MISP: variants seen among roughly 807,000 people sequenced by gnomAD.
MISP encodes mitotic spindle positioning.
Under a neutral mutation model 49.3 loss-of-function variants are expected in MISP, and 51 were observed. The ratio of observed to expected loss-of-function variants is 1.03; its 90% CI spans 0.83 to 1.31. The LOEUF (loss-of-function observed/expected upper bound fraction) is 1.31, where lower values mean the gene tolerates loss of function less well. Among genes scored for constraint, MISP ranks in the 50% most tolerant of loss-of-function variants. The probability of loss-of-function intolerance (pLI) is 0.00; values close to 1 mark genes in which losing one functional copy is unlikely to be tolerated. For synonymous variants in MISP, 444 were observed against 392.6 expected (o/e 1.13, Z -1.55); for missense variants, 1,084 against 935.1 (o/e 1.16, Z -2.08).
chr19:754,421 C>T (rs1204402713), intron 1 of MISP, among the ~76,000 whole-genome samples: 1 of 151,844 alleles, frequency 6.6e-6, no homozygotes, highest in African/African-American at 2.4e-5. Flanking sequence ...CGAGATCGCG[C>T]CACTGCACTC....
chr19:754,426 G>A (rs2033511483), intron 1 of MISP, among the ~76,000 whole-genome samples: 1 of 152,020 alleles, frequency 6.6e-6, no homozygotes, highest in Admixed American at 6.5e-5. Context: ...TCGCGCCACT[G>A]CACTCCAGCC....
chr19:761,656 A>T lies in MISP; in HGVS notation c.1943A>T (p.Asn648Ile), dbSNP rs749279326. 6.2e-6 allele frequency: 10 copies of T among 1,613,918 alleles called. No homozygotes were observed. In the East Asian group the frequency reaches 2.0e-4, roughly 32 times the overall value. Residue 648 changes from asparagine (N) to isoleucine (I), a missense_variant, in exon 4 of 5, where the codon AAC becomes ATC. Asn to Ile is a moderately radical substitution (Grantham distance 149, BLOSUM62 -3). Transcript: ENST00000215582. ...YAGINPSDGI[N>I]SEVLEAIRVT... The stretch of plus-strand genomic sequence containing the variant: ...GGCATCAACCCCTCGGACGGTATCA[A>T]CTCAGAGGTGAGTATGCTCCTGGGC...
At chr19:750,188 CTTT>C (rs71174321), upstream of MISP, among the ~76,000 whole-genome samples, 2,118 of 111,526 alleles carry the variant, frequency 0.019, 40 homozygotes, top group African/African-American at 0.043. Context: ...TCGTGCGGTT[CTTT>C]TTTTTTTTTT....
At chr19:753,002 G>C (rs1205728102) in intron 1 of MISP, among the ~76,000 whole-genome samples, 1 of 152,214 alleles carries the variant, frequency 6.6e-6, no homozygotes, top group Non-Finnish European at 1.5e-5. Context: ...CTGTATACCA[G>C]ACTCTGGGCT....
rs770341604 is a variant in MISP at position 758,355 on chromosome 19, T to C, written c.1409T>C (p.Leu470Pro). ...AAGGCCACGATGTCCCCGAGGCATC[T>C]CTCAGAATCCTCTGGAAAACCCCTG... ...SPKATMSPRHLSESSGKPLST... is the reference protein window; with the variant it reads ...SPKATMSPRHPSESSGKPLST... The change falls in exon 2 of 5, where the codon CTC (leucine) becomes CCC (proline). Residue 470 changes from leucine to proline, a missense_variant. Transcript: ENST00000215582. The C allele has an allele frequency of 4.3e-6, 7 of 1,614,008 alleles. No homozygotes were observed. The South Asian group carries it at 7.7e-5, about 18-fold the overall frequency.
chr19:758,091 C>G lies in MISP; in HGVS notation c.1145C>G (p.Ser382Trp), dbSNP rs201182924. ...CGGGCGTCCACACCCGACTGGGTCT[C>G]GGAGGGTCCCCAGCCCGGACTCCGG... The part of the protein sequence containing the change: ...VGRASTPDWV[S>W]EGPQPGLRRA... Residue 382 changes from serine (S) to tryptophan (W), a missense_variant, in exon 2 of 5, where the codon TCG becomes TGG. By Grantham distance (177) the Ser-to-Trp change is radical. Coordinates refer to ENST00000215582, the MANE Select transcript of MISP (RefSeq NM_173481.4). 1.9e-6 allele frequency: 3 copies of G among 1,587,470 alleles called. No homozygotes were observed. The highest frequency in any genetic ancestry group is 4.5e-5 in the East Asian group (2 of 44,356).
chr19:756,996 G>T lies in MISP; in HGVS notation c.50G>T (p.Arg17Leu). The T allele has an allele frequency of 6.3e-7, 1 of 1,599,606 alleles. No individual in the cohort carries two copies. Among genetic ancestry groups the T allele is most frequent in the Non-Finnish European group, 8.5e-7 (1 of 1,172,148 alleles). ...ATCCTGGGCATCCCTCAGGCACACC[G>T]TGGCACCGGCCTGGTGCTGGATGGA... The part of the protein sequence containing the change: ...YPILGIPQAH[R>L]GTGLVLDGDT... Residue 17 changes from arginine (R) to leucine (L), a missense_variant, in exon 2 of 5, where the codon CGT (arginine) becomes CTT (leucine). Transcript: ENST00000215582.
At chr19:752,861 G>A (rs1016496889) in intron 1 of MISP, among the ~76,000 whole-genome samples, 7 of 152,212 alleles carry the variant, frequency 4.6e-5, no homozygotes, top group Non-Finnish European at 5.9e-5. Context: ...GGTGCAGGGC[G>A]TGGACCTGCC....
chr19:756,954 G>A lies in MISP; in HGVS notation c.8G>A (p.Arg3His), dbSNP rs200094406. Reference sequence around the variant, plus strand: ...GCCAAGACCCCGGAAGAGATGGACCGCGTGACCAGATACCCCATCCTGGGC... The same window carrying A: ...GCCAAGACCCCGGAAGAGATGGACCACGTGACCAGATACCCCATCCTGGGC... The part of the protein sequence containing the change: MD[R>H]VTRYPILGIP... The change falls in exon 2 of 5, where the codon CGC becomes CAC. Residue 3 changes from arginine to histidine, a missense_variant. Arg to His is a conservative substitution (Grantham distance 29). Coordinates refer to ENST00000215582, the MANE Select transcript of MISP (RefSeq NM_173481.4). The A allele has an allele frequency of 1.0e-4, 159 of 1,559,446 alleles. No individual in the cohort carries two copies. The highest frequency in any genetic ancestry group is 5.6e-4 in the East Asian group (24 of 42,634).
chr19:760,761 A>AGGGAGG (rs1256060420), intron 3 of MISP, among the ~76,000 whole-genome samples: 2 of 150,402 alleles, frequency 1.3e-5, no homozygotes, highest in African/African-American at 2.5e-5. Context: ...GAAGGAAGGG[A>AGGGAGG]GGGAGGGAGA....
chr19:763,611 C>T lies in MISP; in HGVS notation c.*21C>T. 4.5e-6 allele frequency: 7 copies of T among 1,569,876 alleles called. No homozygotes were observed. The highest frequency in any genetic ancestry group is 6.1e-6 in the Non-Finnish European group (7 of 1,142,322). ...ACTGAGCCTCGGGATGGGGCGCCCA[C>T]CCCCTGCCCTGCCCTGACCCTCGTG... is the stretch of plus-strand genomic sequence containing the variant. On this transcript the variant is annotated 3_prime_UTR_variant, in exon 5 of 5. Transcript: ENST00000215582.
chr19:757,237 G>C lies in MISP; in HGVS notation c.291G>C (p.Leu97=). 6.2e-7 allele frequency: 1 copy of C among 1,613,860 alleles called. No individual in the cohort carries two copies. The highest frequency in any genetic ancestry group is 1.1e-5 in the South Asian group (1 of 91,090). The part of the protein sequence containing the change: ...REDEGWQVYR[L]GARDAHQGRP... ...ATGAGGGTTGGCAGGTTTACCGCCT[G>C]GGCGCCAGGGATGCCCACCAGGGAC... The change falls in exon 2 of 5, where the codon CTG becomes CTC. Residue 97 remains leucine (L), a synonymous_variant. Transcript: ENST00000215582.
In MISP at chr19:764,265, G is replaced by A. The variant is rs1053380140; in HGVS notation, c.*675G>A. On this transcript the variant is annotated 3_prime_UTR_variant, in exon 5 of 5. Coordinates refer to ENST00000215582, the MANE Select transcript of MISP (RefSeq NM_173481.4). ...TGACCCAGTTTAGGAGCTGGAGGGG[G>A]GTCTTTGTCCCCCACCCCCAAACTG... 2 of 152,292 alleles carry A rather than the reference G, an allele frequency of 1.3e-5. No homozygotes were observed. Among genetic ancestry groups the A allele is most frequent in the Non-Finnish European group, 2.9e-5 (2 of 68,130 alleles). The allele number at this position is 152,292 out of a possible 1,614,324, so 9.4% of individuals were successfully genotyped here.
At chr19:749,679 A>C (rs1181477375), upstream of MISP, among the ~76,000 whole-genome samples, 1 of 152,104 alleles carries the variant, frequency 6.6e-6, no homozygotes, top group Non-Finnish European at 1.5e-5. Context: ...AAAAATACAA[A>C]AATAGCTGGG....
upstream of MISP, among the ~76,000 whole-genome samples, chr19:749,519 T>A (rs2033426808): frequency 6.6e-6 from 1 of 152,092 alleles, no homozygotes; most frequent in South Asian, 2.1e-4. Context: ...GGGCCCTTTA[T>A]CCAGATTTGT....
chr19:754,247 G>A (rs566233246), intron 1 of MISP, among the ~76,000 whole-genome samples: 1 of 152,140 alleles, frequency 6.6e-6, no homozygotes, highest in Non-Finnish European at 1.5e-5. Context: ...GGAGGATCAC[G>A]AGGTCAGGAG....
At chr19:754,236 G>A (rs1303336787) in intron 1 of MISP, among the ~76,000 whole-genome samples, 2 of 152,088 alleles carry the variant, frequency 1.3e-5, no homozygotes, top group African/African-American at 2.4e-5. Context: ...AGGCCGAGGC[G>A]GGAGGATCAC....
At chr19:749,805 C>T (rs558328577), upstream of MISP, among the ~76,000 whole-genome samples, 27 of 151,924 alleles carry the variant, frequency 1.8e-4, no homozygotes, top group Admixed American at 1.6e-3. Context: ...GCCTGGGTGA[C>T]AAGAGCGAGA....
chr19:753,615 C>T (rs1463842627), intron 1 of MISP, among the ~76,000 whole-genome samples: 1 of 151,902 alleles, frequency 6.6e-6, no homozygotes, highest in Non-Finnish European at 1.5e-5. Flanking sequence ...TCTCGATCTC[C>T]TGACCTCGTG....
Sources: gnomAD v4.1 joint callset for allele counts (sites outside exome capture counted in the v4.1 genomes callset) on GRCh38, gnomAD v4.1.1 for gene constraint, MANE v1.5 for transcripts, NCBI Gene and HGNC (gene_info 2026-07-23, HGNC 2026-07-21) for gene names.